Variants in PSIP1 observed in about 807,000 individuals in gnomAD.
PSIP1 encodes PC4 and SFRS1-interacting protein.
A neutral mutation model predicts 74.7 loss-of-function variants in PSIP1; 19 were observed. The observed-to-expected ratio is 0.25, with a 90% CI of 0.18 to 0.37. PSIP1 has a LOEUF of 0.37. Among genes scored for constraint, PSIP1 ranks in the 10% least tolerant of loss-of-function variants. The pLI is 1.00. For missense variants in PSIP1, 601 were observed against 614.3 expected, an observed-to-expected ratio of 0.98 and a Z score of 0.23; for synonymous variants, 222 against 195.3, an observed-to-expected ratio of 1.14 and a Z score of -1.14.
chr9:15,488,245 T>C (rs886255808), intron 4 of PSIP1, among the ~76,000 whole-genome samples: 6 of 151,970 alleles, frequency 3.9e-5, no homozygotes, highest in African/African-American at 1.5e-4. Flanking sequence ...GGCAGGAGAA[T>C]TGCTTGACCT....
intron 7 of PSIP1, among the ~76,000 whole-genome samples, chr9:15,479,086 A>C (rs1436013396): frequency 6.6e-6 from 1 of 152,092 alleles, no homozygotes; most frequent in Non-Finnish European, 1.5e-5. Flanking sequence ...AAAAAAATTC[A>C]CTCAATTTTG....
intron 3 of PSIP1, among the ~76,000 whole-genome samples, chr9:15,504,416 G>C (rs1443181804): frequency 6.6e-6 from 1 of 152,110 alleles, no homozygotes; most frequent in South Asian, 2.1e-4. Flanking sequence ...ATTTAAAATA[G>C]TAACGTAAGA....
In PSIP1 at chr9:15,464,495, G is replaced by GACTT. The variant is rs2035476003; in HGVS notation, c.*1021_*1024dup. On this transcript the variant is annotated 3_prime_UTR_variant, in exon 16 of 16. Transcript: ENST00000380733. ...TTTAGTCCATACACGTCAATGTACA[G>GACTT]ACTTATCAAAGTACAATGCTGGAAC... 5.0e-6 allele frequency: 1 copy of GACTT among 200,970 alleles called. No individual in the cohort carries two copies. Among genetic ancestry groups the GACTT allele is most frequent in the Non-Finnish European group, 1.0e-5 (1 of 97,848 alleles). The allele number at this position is 200,970 out of a possible 1,614,324, so 12.4% of individuals were successfully genotyped here.
intron 3 of PSIP1, among the ~76,000 whole-genome samples, chr9:15,499,889 A>G (rs922118881): frequency 6.6e-6 from 1 of 151,842 alleles, no homozygotes; most frequent in Admixed American, 6.6e-5. Flanking sequence ...AAAAAAAAAA[A>G]AACCGAAGTC....
At chr9:15,508,813 A>G (rs918226925) in intron 2 of PSIP1, among the ~76,000 whole-genome samples, 11 of 152,208 alleles carry the variant, frequency 7.2e-5, no homozygotes, top group African/African-American at 2.2e-4. Flanking sequence ...GTCTCACAAT[A>G]TATTTGGAGG....
intron 15 of PSIP1, chr9:15,465,820 CAA>C: frequency 2.2e-6 from 1 of 445,236 alleles, no homozygotes; most frequent in Non-Finnish European, 3.9e-6. Context: ...AATAACTCAG[CAA>C]AGTGTCATGG....
chr9:15,471,421 GAT>G, intron 10 of PSIP1: 1 of 1,472,194 alleles, frequency 6.8e-7, no homozygotes. Flanking sequence ...AATACATAAA[GAT>G]AACTTTAAGA....
chr9:15,505,567 A>G (rs2037548317), intron 3 of PSIP1: 1 of 152,228 alleles, frequency 6.6e-6, no homozygotes, highest in African/African-American at 2.4e-5. Context: ...AAATGTCCAG[A>G]ACTGGTAAGT....
chr9:15,507,652 A>C (rs1261516063), intron 2 of PSIP1, among the ~76,000 whole-genome samples: 2 of 151,268 alleles, frequency 1.3e-5, no homozygotes, highest in Non-Finnish European at 2.9e-5. Context: ...AAAAACAAAA[A>C]AAAAGAATTT....
At chr9:15,510,539 G>T (rs893159564) in intron 1 of PSIP1, among the ~76,000 whole-genome samples, 1 of 152,014 alleles carries the variant, frequency 6.6e-6, no homozygotes, top group Non-Finnish European at 1.5e-5. Flanking sequence ...GATGCTGCCC[G>T]GCCAGAAATC....
chr9:15,476,636 C>G (rs1020721099), intron 8 of PSIP1, among the ~76,000 whole-genome samples: 2 of 152,108 alleles, frequency 1.3e-5, no homozygotes, highest in African/African-American at 4.8e-5. Flanking sequence ...ACAAATGATT[C>G]CTGAGGGATG....
intron 2 of PSIP1, 83 bp downstream of exon 2, chr9:15,510,034 G>GA (rs1563905837): frequency 6.5e-6 from 9 of 1,392,654 alleles, no homozygotes. Context: ...AAGGACAGAA[G>GA]AAAAAATAAA....
chr9:15,494,465 T>G (rs1006800763), intron 3 of PSIP1, among the ~76,000 whole-genome samples: 1 of 148,278 alleles, frequency 6.7e-6, no homozygotes, highest in African/African-American at 2.5e-5. Flanking sequence ...CTTGGGAGGC[T>G]GAGGCAATAG....
Position 15,469,075 on chromosome 9 carries a change from T to C in PSIP1, c.1105-17A>G, listed in dbSNP as rs748064334. On this transcript the variant is annotated splice_polypyrimidine_tract_variant and intron_variant, in intron 12 of 15. Transcript: ENST00000380733. ...GTTCACATCCTTCATGACAAAACAG[T>C]AATTTCATAGCTGTTAATTATCTTA... 5.6e-6 allele frequency: 9 copies of C among 1,595,238 alleles called. No homozygotes were observed. Among genetic ancestry groups the C allele is most frequent in the Non-Finnish European group, 6.0e-6 (7 of 1,166,062 alleles).
At chr9:15,510,529 G>A (rs1001544494) in intron 1 of PSIP1, among the ~76,000 whole-genome samples, 200 bp from the exon 2 acceptor site, 2 of 152,110 alleles carry the variant, frequency 1.3e-5, no homozygotes, top group South Asian at 2.1e-4. Context: ...CTGAAGCAGG[G>A]ATGCTGCCCG....
chr9:15,477,224 C>G (rs147235560), intron 8 of PSIP1, among the ~76,000 whole-genome samples: 288 of 152,138 alleles, frequency 1.9e-3, no homozygotes, highest in African/African-American at 5.4e-3. Context: ...TAAAAATTGA[C>G]AGGTAAAAAT....
At position 15,472,734 on chromosome 9, in the gene PSIP1, C is replaced by T; in HGVS notation, c.875G>A (p.Arg292Lys). The T allele has an allele frequency of 1.2e-6, 2 of 1,605,044 alleles. No homozygotes were observed. Among genetic ancestry groups the T allele is most frequent in the East Asian group, 2.2e-5 (1 of 44,534 alleles). The change falls in exon 10 of 16, where the codon AGG (arginine) becomes AAG (lysine). Residue 292 changes from arginine (R) to lysine (K), a missense_variant. Arg to Lys is a conservative substitution (Grantham distance 26). This residue lies in a region of PSIP1 where 538 missense variants were observed against 507.6 expected (regional missense o/e 1.06). Coordinates refer to ENST00000380733, the MANE Select transcript of PSIP1 (RefSeq NM_033222.5). The stretch of plus-strand genomic sequence containing the variant: ...CCTTCTGTGAGCAGTCTGAAAGTTC[C>T]TCCCACCTTTTCTCTTCTGTTTTGA... ...QEGEKKRKGG[R>K]NFQTAHRRNM... is the part of the protein sequence containing the mutation.
chr9:15,486,615 T>C (rs1327461539), intron 5 of PSIP1, among the ~76,000 whole-genome samples: 1 of 152,214 alleles, frequency 6.6e-6, no homozygotes, highest in African/African-American at 2.4e-5. Flanking sequence ...TAAAAATAAC[T>C]TCAAATAATA....
At chr9:15,509,437 C>T (rs939753161) in intron 2 of PSIP1, among the ~76,000 whole-genome samples, 2 of 152,230 alleles carry the variant, frequency 1.3e-5, no homozygotes, top group African/African-American at 4.8e-5. Flanking sequence ...CTCTGTACCA[C>T]TAGATGTGAA....
Sources: gnomAD v4.1 joint callset for allele counts (sites outside exome capture counted in the v4.1 genomes callset) on GRCh38, gnomAD v4.1.1 for gene constraint, gnomAD v4.1.1 regional missense constraint, MANE v1.5 for transcripts, NCBI Gene and HGNC (gene_info 2026-07-23, HGNC 2026-07-21) for gene names.